Variants in STYXL2 observed in about 807,000 individuals in gnomAD.
The protein encoded by STYXL2 is serine/threonine/tyrosine-interacting-like protein 2.
Under a neutral mutation model 52.4 loss-of-function variants are expected in STYXL2, and 44 were observed. The ratio of observed to expected loss-of-function variants is 0.84; its 90% confidence interval spans 0.66 to 1.08. The LOEUF (loss-of-function observed/expected upper bound fraction) is 1.08. Among genes scored for constraint, STYXL2 ranks in the 50% least tolerant of loss-of-function variants. The probability of loss-of-function intolerance (pLI) is 0.00; values close to 1 mark genes in which losing one functional copy is unlikely to be tolerated. For missense variants in STYXL2, 1,604 were observed against 1,471.7 expected (o/e 1.09, Z -1.47); for synonymous variants, 604 against 586.9 (o/e 1.03, Z -0.42).
intron 2 of STYXL2, among the ~76,000 whole-genome samples, chr1:167,108,095 C>T (rs1013852042): frequency 1.3e-5 from 2 of 152,132 alleles, no homozygotes; most frequent in African/African-American, 4.8e-5. Context: ...AGACTACAGG[C>T]CCTTGGAAAT....
chr1:167,125,841 T>C lies in STYXL2; in HGVS notation c.710T>C (p.Val237Ala). ...MGISRSAVLV[V>A]AYLMIFHNMA... The stretch of plus-strand genomic sequence containing the variant: ...ATCAGCCGGTCAGCAGTGCTGGTGG[T>C]CGCCTACCTGATGATCTTCCACAAC... The change falls in exon 6 of 6, where the codon GTC (valine) becomes GCC (alanine). Residue 237 changes from valine (V) to alanine (A), a missense_variant. Physicochemically the swap from Val to Ala is moderately conservative, Grantham distance 64 (BLOSUM62 0). Coordinates refer to ENST00000361200, the MANE Select transcript of STYXL2 (RefSeq NM_001080426.3). 1 of 1,613,512 alleles carries C rather than the reference T, an allele frequency of 6.2e-7. No individual in the cohort carries two copies. The highest frequency in any genetic ancestry group is 1.1e-5 in the South Asian group (1 of 91,002).
chr1:167,103,844 G>A (rs867351191), intron 2 of STYXL2, among the ~76,000 whole-genome samples: 1 of 152,138 alleles, frequency 6.6e-6, no homozygotes. Context: ...GTGCACAGCC[G>A]GGCGCGGTGG....
intron 4 of STYXL2, among the ~76,000 whole-genome samples, chr1:167,119,012 G>A (rs1270282862): frequency 6.6e-6 from 1 of 152,100 alleles, no homozygotes; most frequent in Non-Finnish European, 1.5e-5. Flanking sequence ...TCATTTTGTT[G>A]GCCTCTTCAT....
At chr1:167,108,437 C>T (rs1374017990) in intron 2 of STYXL2, among the ~76,000 whole-genome samples, 3 of 152,082 alleles carry the variant, frequency 2.0e-5, no homozygotes, top group Non-Finnish European at 4.4e-5. Flanking sequence ...ACCCTTAATC[C>T]ACCCCCACTC....
At chr1:167,123,039 C>G (rs757388987) in intron 5 of STYXL2, among the ~76,000 whole-genome samples, 13 of 152,174 alleles carry the variant, frequency 8.5e-5, no homozygotes, top group Non-Finnish European at 1.3e-4. Context: ...GGTAACTCTG[C>G]TAATTAGAAA....
chr1:167,102,291 GC>G (rs1197849443), intron 2 of STYXL2, among the ~76,000 whole-genome samples: 1 of 137,934 alleles, frequency 7.2e-6, no homozygotes, highest in East Asian at 2.0e-4. Context: ...CAATAATAAA[GC>G]TGTTTTTTAA....
In STYXL2 at chr1:167,117,210, CA is replaced by C. The variant is rs1299660425; in HGVS notation, c.206-117del. 13 of 876,478 alleles carry C rather than the reference CA, an allele frequency of 1.5e-5. No individual in the cohort carries two copies. In the African/African-American group the frequency reaches 1.8e-4, roughly 12 times the overall value. The allele number at this position is 876,478 out of a possible 1,614,324, so 54.3% of individuals were successfully genotyped here. On this transcript the variant is annotated intron_variant, in intron 3 of 5. Coordinates refer to ENST00000361200, the MANE Select transcript of STYXL2 (RefSeq NM_001080426.3). The stretch of plus-strand genomic sequence containing the variant: ...AGTCCTTCCTGGGAGATCCTGCTGG[CA>C]TTCAGTCCATGCCCAGAATCCTGGC...
Position 167,124,462 on chromosome 1 carries a change from G to A in STYXL2, c.656-1325G>A, listed in dbSNP as rs1027540037. Among the ~76,000 whole-genome samples the A allele has an allele frequency of 3.3e-5, 5 of 152,194 alleles. No homozygotes were observed. The South Asian group carries it at 8.3e-4, about 25-fold the overall frequency. Reference sequence around the variant, plus strand: ...ACTGTTGGCAAGTAGATTGATGAGAGCAGGGAGGAAGGTCTCCAGTGGTCC... The same window carrying A: ...ACTGTTGGCAAGTAGATTGATGAGAACAGGGAGGAAGGTCTCCAGTGGTCC... On this transcript the variant is annotated intron_variant, in intron 5 of 5. Coordinates refer to ENST00000361200, the MANE Select transcript of STYXL2 (RefSeq NM_001080426.3).
Position 167,127,988 on chromosome 1 carries a change from GA to G in STYXL2, c.2858del (p.Asp953AlafsTer49), listed in dbSNP as rs761160784. On this transcript the variant is annotated frameshift_variant, in exon 6 of 6. Coordinates refer to ENST00000361200, the MANE Select transcript of STYXL2 (RefSeq NM_001080426.3). LOFTEE classifies it high-confidence loss of function. Reference protein sequence around the residue: ...RTEEKPPFQSDWSGSSRGKYT... With the variant: ...RTEEKPPFQSXWSGSSRGKYT... The stretch of plus-strand genomic sequence containing the variant: ...GGAGGAAAAACCTCCTTTCCAAAGT[GA>G]CTGGTCTGGAAGTTCCAGAGGGAAG... The G allele has an allele frequency of 2.7e-5, 43 of 1,614,046 alleles. No individual in the cohort carries two copies. Among genetic ancestry groups the G allele is most frequent in the Non-Finnish European group, 3.1e-5 (37 of 1,180,030 alleles).
intron 5 of STYXL2, among the ~76,000 whole-genome samples, chr1:167,121,620 C>T (rs1401291914): frequency 1.3e-5 from 2 of 152,250 alleles, no homozygotes. Context: ...GAGGCGGAGT[C>T]GGTGCCAGGA....
rs189889983 is a variant in STYXL2 at position 167,126,041 on chromosome 1, A to G, written c.910A>G (p.Met304Val). Residue 304 changes from methionine to valine, a missense_variant, in exon 6 of 6, where the codon ATG (methionine) becomes GTG (valine). Coordinates refer to ENST00000361200, the MANE Select transcript of STYXL2 (RefSeq NM_001080426.3). ...TGAGGAGGGCGAGGGCACTGGGAGC[A>G]TGCTCGGGGCCAGAGTGCACGCCCT... Reference protein sequence around the residue: ...EAEEGEGTGSMLGARVHALTV... With the variant: ...EAEEGEGTGSVLGARVHALTV... The G allele has an allele frequency of 1.7e-4, 262 of 1,586,808 alleles. 1 individual carries two copies. The East Asian group carries it at 4.3e-3, about 26-fold the overall frequency.
chr1:167,094,779 A>C (rs993248677), intron 1 of STYXL2, 55 bp from the exon 2 acceptor site: 26 of 1,297,512 alleles, frequency 2.0e-5, no homozygotes, highest in Non-Finnish European at 2.6e-5. Flanking sequence ...CTTCTCCCCC[A>C]ACAAAACCTC....
At chr1:167,112,611 C>T (rs1272976410) in intron 2 of STYXL2, among the ~76,000 whole-genome samples, 3 of 152,304 alleles carry the variant, frequency 2.0e-5, no homozygotes, top group African/African-American at 7.2e-5. Context: ...ATCCACCTCC[C>T]TGTTCTAATC....
In STYXL2 at chr1:167,126,535, A is replaced by T. The variant is rs1235434699; in HGVS notation, c.1404A>T (p.Ala468=). Residue 468 remains alanine, a synonymous_variant, in exon 6 of 6, where the codon GCA becomes GCT. Transcript: ENST00000361200. ...NRPDHGRRRR[A]DSMSSESTWD... ...CGGACCACGGCAGGAGGCGCCGCGCAGACTCGATGTCCTCGGAGAGCACCT... is the reference window on the plus strand; with the variant it reads ...CGGACCACGGCAGGAGGCGCCGCGCTGACTCGATGTCCTCGGAGAGCACCT... The T allele has an allele frequency of 1.9e-6, 3 of 1,613,680 alleles. No individual in the cohort carries two copies. The East Asian group carries it at 6.7e-5, about 36-fold the overall frequency.
At position 167,126,446 on chromosome 1, in the gene STYXL2, G is replaced by A. The variant is rs774975802; in HGVS notation, c.1315G>A (p.Ala439Thr). The A allele has an allele frequency of 4.4e-6, 7 of 1,579,566 alleles. No individual in the cohort carries two copies. Among genetic ancestry groups the A allele is most frequent in the Non-Finnish European group, 6.0e-6 (7 of 1,163,434 alleles). Residue 439 changes from alanine to threonine, a missense_variant, in exon 6 of 6, where the codon GCC becomes ACC. Coordinates refer to ENST00000361200, the MANE Select transcript of STYXL2 (RefSeq NM_001080426.3). ...GCGGCGCACCCTGAGCGAGAGCAGC[G>A]CCTGGGAGAGCGTGAGCAGCCACGA... Reference protein sequence around the residue: ...RRRRTLSESSAWESVSSHDIW... With the variant: ...RRRRTLSESSTWESVSSHDIW...
intron 5 of STYXL2, among the ~76,000 whole-genome samples, chr1:167,122,014 GGAAA>G (rs1667866379): frequency 6.6e-6 from 1 of 152,140 alleles, no homozygotes; most frequent in African/African-American, 2.4e-5. Context: ...ACCAGAACAG[GGAAA>G]GAAACACCTG....
intron 2 of STYXL2, among the ~76,000 whole-genome samples, chr1:167,106,692 G>A (rs563600539): frequency 6.6e-6 from 1 of 152,260 alleles, no homozygotes; most frequent in East Asian, 1.9e-4. Flanking sequence ...ATTGTCATAT[G>A]AAAACTAGCT....
At chr1:167,125,084 A>G (rs1667934505) in intron 5 of STYXL2, among the ~76,000 whole-genome samples, 1 of 152,174 alleles carries the variant, frequency 6.6e-6, no homozygotes, top group Non-Finnish European at 1.5e-5. Context: ...AAATATATAT[A>G]TTTCGGGAAG....
intron 2 of STYXL2, among the ~76,000 whole-genome samples, chr1:167,107,546 G>C (rs546414606): frequency 6.6e-6 from 1 of 152,356 alleles, no homozygotes; most frequent in African/African-American, 2.4e-5. Context: ...TGGTGTCCCA[G>C]TAAAATGATG....
Sources: allele counts gnomAD v4.1 joint callset (sites outside exome capture counted in the v4.1 genomes callset), GRCh38; gene constraint gnomAD v4.1.1; transcripts MANE v1.5; gene names NCBI Gene and HGNC (gene_info 2026-07-23, HGNC 2026-07-21).